Variants in CCDC82 observed in about 807,000 individuals in gnomAD.
CCDC82 encodes the protein coiled-coil domain containing 82.
A neutral mutation model predicts 60.6 loss-of-function variants in CCDC82; 47 were observed. That is an observed-to-expected ratio of 0.77 (90% CI 0.61 to 0.99). CCDC82 has a LOEUF of 0.99. Among genes scored for constraint, CCDC82 ranks in the 50% least tolerant of loss-of-function variants. CCDC82 has a pLI of 0.00. For missense variants in CCDC82, 588 were observed against 633.0 expected, an observed-to-expected ratio of 0.93 and a Z score of 0.76; for synonymous variants, 212 against 207.4, an observed-to-expected ratio of 1.02 and a Z score of -0.19.
At chr11:96,366,143 G>T (rs139049607) in intron 7 of CCDC82, among the ~76,000 whole-genome samples, 1 of 152,256 alleles carries the variant, frequency 6.6e-6, no homozygotes, top group East Asian at 1.9e-4. Flanking sequence ...CACATGTTAA[G>T]ATGAAACCTT....
chr11:96,383,880 G>C, intron 4 of CCDC82, 82 bp downstream of exon 4: 1 of 1,225,556 alleles, frequency 8.2e-7, no homozygotes, highest in South Asian at 1.5e-5. Context: ...AAATGGAACG[G>C]ACTCAGCACT....
At chr11:96,385,426 AG>A (rs2136216677) in intron 3 of CCDC82, 1 of 152,562 alleles carries the variant, frequency 6.6e-6, no homozygotes, top group Non-Finnish European at 1.5e-5. Flanking sequence ...CTGTAGGCAA[AG>A]GATTCTGAAT....
intron 9 of CCDC82, chr11:96,357,446 C>G (rs1864405723): frequency 1.0e-6 from 1 of 984,844 alleles, no homozygotes; most frequent in African/African-American, 1.7e-5. Context: ...AAAGCCTAAG[C>G]TCCTTTCTTT....
chr11:96,356,171 C>T (rs1385143630), intron 9 of CCDC82: 1 of 151,988 alleles, frequency 6.6e-6, no homozygotes, highest in African/African-American at 2.4e-5. Flanking sequence ...GGGGATTATA[C>T]ACTTTTCAAA....
At chr11:96,371,473 T>C (rs980278641) in intron 6 of CCDC82, among the ~76,000 whole-genome samples, 7 of 152,082 alleles carry the variant, frequency 4.6e-5, no homozygotes, top group African/African-American at 1.7e-4. Context: ...TCCCAGCTAC[T>C]CGGGAGGCTG....
intron 8 of CCDC82, among the ~76,000 whole-genome samples, chr11:96,360,233 C>T (rs7933385): frequency 0.075 from 10,863 of 143,884 alleles, 438 homozygotes; most frequent in Middle Eastern, 0.099. Context: ...GATGGAGTTT[C>T]GCTTTTTCAC....
At chr11:96,360,359 A>T (rs571653374) in intron 8 of CCDC82, among the ~76,000 whole-genome samples, 1,575 of 140,768 alleles carry the variant, frequency 0.011, 17 homozygotes, top group Non-Finnish European at 0.019. Context: ...CACGCAGCTA[A>T]TTTTTTTTTT....
chr11:96,356,879 G>T, intron 9 of CCDC82: 1 of 985,384 alleles, frequency 1.0e-6, no homozygotes, highest in Non-Finnish European at 1.2e-6. Context: ...AGCAGGTAAG[G>T]GAAAAAGTAA....
In CCDC82 at chr11:96,370,993, T is replaced by C. The variant is rs1033115373; in HGVS notation, c.1209+20A>G. 2.7e-6 allele frequency: 4 copies of C among 1,499,036 alleles called. No homozygotes were observed. In the African/African-American group the frequency reaches 5.7e-5, roughly 21 times the overall value. 92.9% of individuals were successfully genotyped at this position (1,499,036 alleles called of 1,614,324 possible). A position where few individuals can be genotyped will look rare whatever the true frequency, so the allele number is the denominator to read the frequency against. On this transcript the variant is annotated intron_variant, in intron 7 of 9. Coordinates refer to ENST00000646818, the MANE Select transcript of CCDC82 (RefSeq NM_024725.4). The stretch of plus-strand genomic sequence containing the variant: ...GCTGCCCCCAACCCCCAAGCAGAGA[T>C]TCAAAAACAAACTGTGTACCTTATA...
chr11:96,352,904 T>C lies in CCDC82; in HGVS notation c.*742A>G, dbSNP rs1354020019. 6.6e-6 allele frequency: 1 copy of C among 152,224 alleles called. No homozygotes were observed. The highest frequency in any genetic ancestry group is 2.4e-5 in the African/African-American group (1 of 41,466). The allele number at this position is 152,224 out of a possible 1,614,324, so 9.4% of individuals were successfully genotyped here. On this transcript the variant is annotated 3_prime_UTR_variant, in exon 10 of 10. Coordinates refer to ENST00000646818, the MANE Select transcript of CCDC82 (RefSeq NM_024725.4). ...TCTTTCAGCAGTTCTGACCCTAAGA[T>C]ACATACTTATATGGAAAAAGCTATG... is the stretch of plus-strand genomic sequence containing the variant.
chr11:96,358,228 A>G (rs1358403482), intron 9 of CCDC82: 2 of 1,029,720 alleles, frequency 1.9e-6, no homozygotes, highest in Non-Finnish European at 2.3e-6. Flanking sequence ...AAAATCTACT[A>G]TTTGTTCTCT....
chr11:96,378,383 G>GTCTTCC (rs1313357278), intron 5 of CCDC82, among the ~76,000 whole-genome samples: 1 of 151,758 alleles, frequency 6.6e-6, no homozygotes, highest in Non-Finnish European at 1.5e-5. Context: ...CTTCCTCTGA[G>GTCTTCC]TCTACCTTTA....
At chr11:96,355,015 A>C (rs1282597431) in intron 9 of CCDC82, 1 of 152,136 alleles carries the variant, frequency 6.6e-6, no homozygotes, top group Non-Finnish European at 1.5e-5. Flanking sequence ...CCTTCTCAGG[A>C]AAGATGGAAA....
At chr11:96,358,021 G>T in intron 9 of CCDC82, 1 of 985,354 alleles carries the variant, frequency 1.0e-6, no homozygotes, top group South Asian at 4.7e-5. Flanking sequence ...TCATTATCTA[G>T]ACTGGGAGAC....
chr11:96,367,257 G>T (rs1489118189), intron 7 of CCDC82, among the ~76,000 whole-genome samples: 1 of 152,178 alleles, frequency 6.6e-6, no homozygotes, highest in Non-Finnish European at 1.5e-5. Context: ...TTTCATGAAA[G>T]ATTTCTCTGT....
intron 5 of CCDC82, among the ~76,000 whole-genome samples, chr11:96,375,960 T>C (rs1291802826): frequency 1.3e-5 from 2 of 152,214 alleles, no homozygotes; most frequent in Non-Finnish European, 2.9e-5. Context: ...TTAATCCCTA[T>C]ATTGAATGAG....
chr11:96,356,315 C>G, intron 9 of CCDC82: 1 of 496,502 alleles, frequency 2.0e-6, no homozygotes, highest in Non-Finnish European at 2.6e-6. Context: ...TTAAGGAAGG[C>G]AAGGGATATC....
At chr11:96,388,891 A>G (rs961780074) in intron 1 of CCDC82, 7 of 152,190 alleles carry the variant, frequency 4.6e-5, no homozygotes, top group African/African-American at 1.7e-4. Context: ...TTGAATATCT[A>G]CCAAAATGCA....
intron 6 of CCDC82, among the ~76,000 whole-genome samples, chr11:96,372,681 TATAA>T (rs199868626): frequency 0.023 from 3,342 of 145,602 alleles, 126 homozygotes; most frequent in African/African-American, 0.079. Flanking sequence ...CATATATAAA[TATAA>T]ATAAATATAT....
Sources: allele counts gnomAD v4.1 joint callset (sites outside exome capture counted in the v4.1 genomes callset), GRCh38; gene constraint gnomAD v4.1.1; transcripts MANE v1.5; gene names NCBI Gene and HGNC (gene_info 2026-07-23, HGNC 2026-07-21).